GSE1: variants seen among roughly 807,000 people sequenced by gnomAD.
GSE1 encodes Gse1 coiled-coil protein.
Under a neutral mutation model 112.6 loss-of-function variants are expected in GSE1, and 32 were observed. The ratio of observed to expected loss-of-function variants is 0.28; its 90% CI spans 0.21 to 0.38. The LOEUF is 0.38. Ranked by LOEUF, GSE1 falls within the 10% of genes least tolerant of loss-of-function variation. The pLI is 1.00. For missense variants in GSE1, 2,348 were observed against 1,699.2 expected (o/e 1.38, Z -6.71); for synonymous variants, 1,115 against 735.6 (o/e 1.52, Z -8.35).
Position 85,529,707 on chromosome 16 carries a change from G to A in GSE1, c.2465-104207G>A, listed in dbSNP as rs185110477. Among the ~76,000 whole-genome samples the A allele has an allele frequency of 4.0e-3, 611 of 152,306 alleles. 4 individuals carry two copies. Among genetic ancestry groups the A allele is most frequent in the Non-Finnish European group, 6.6e-3 (450 of 68,026 alleles). On this transcript the variant is annotated intron_variant, in intron 2 of 2. Coordinates refer to the GSE1 transcript ENST00000637419. Reference sequence around the variant, plus strand: ...GCTGGAATATGGAGGCCTGTTTGGGGGTAGGCTAGGGGAGGGTAGGTGGAG... The same window carrying A: ...GCTGGAATATGGAGGCCTGTTTGGGAGTAGGCTAGGGGAGGGTAGGTGGAG...
upstream of GSE1, among the ~76,000 whole-genome samples, chr16:85,553,675 C>A (rs2045050953): frequency 6.6e-6 from 1 of 152,050 alleles, no homozygotes; most frequent in South Asian, 2.1e-4. Flanking sequence ...GAGCGCCACC[C>A]CTCCCTTGGC....
intron 2 of GSE1, among the ~76,000 whole-genome samples, chr16:85,495,304 G>C (rs2051135306): frequency 6.6e-6 from 1 of 152,118 alleles, no homozygotes; most frequent in Admixed American, 6.5e-5. Context: ...GGGAGCACTG[G>C]AGTGGGAGTC....
chr16:85,656,434 C>A lies in GSE1; in HGVS notation c.1081C>A (p.Arg361Ser), dbSNP rs367965391. 1.3e-6 allele frequency: 2 copies of A among 1,569,426 alleles called. No homozygotes were observed. The highest frequency in any genetic ancestry group is 1.7e-6 in the Non-Finnish European group (2 of 1,152,770). ...READREREKE[R>S]EREREKEREQ... is the part of the protein sequence containing the mutation. ...GGCTGACCGCGAGCGGGAGAAGGAA[C>A]GTGAGCGCGAACGCGAGAAGGAGCG... The change falls in exon 7 of 16, where the codon CGT becomes AGT. Residue 361 changes from arginine (R) to serine (S), a missense_variant. Arg to Ser is a moderately radical substitution (Grantham distance 110). Transcript: ENST00000253458.
chr16:85,308,996 G>A (rs1445789758), intron 1 of GSE1, among the ~76,000 whole-genome samples: 1 of 151,016 alleles, frequency 6.6e-6, no homozygotes, highest in Admixed American at 6.6e-5. Context: ...GACAGCCGTG[G>A]AGGCTCCAAA....
chr16:85,251,260 G>C (rs1412828968), intron 1 of GSE1, among the ~76,000 whole-genome samples: 1 of 152,166 alleles, frequency 6.6e-6, no homozygotes, highest in Non-Finnish European at 1.5e-5. Flanking sequence ...AGGCTGCTTT[G>C]TCCTCCCACG....
rs967132706 is a variant in GSE1 at position 85,443,588 on chromosome 16, A to G, written c.2464+85945A>G. On this transcript the variant is annotated intron_variant, in intron 2 of 2. Coordinates refer to the GSE1 transcript ENST00000637419. ...GTATTAATACAAAAAGTAAAAACTCAGAGAAGCATAGGTTCAGATGCTTCC... is the reference window on the plus strand; with the variant it reads ...GTATTAATACAAAAAGTAAAAACTCGGAGAAGCATAGGTTCAGATGCTTCC... Among the ~76,000 whole-genome samples the G allele has an allele frequency of 6.0e-5, 9 of 150,018 alleles. No homozygotes were observed. The East Asian group carries it at 1.3e-3, about 22-fold the overall frequency.
intron 2 of GSE1, among the ~76,000 whole-genome samples, chr16:85,437,709 C>T (rs2049283195): frequency 1.3e-5 from 2 of 152,196 alleles, no homozygotes; most frequent in African/African-American, 4.8e-5. Context: ...AAAAGTCAAT[C>T]TGCCTCCTAG....
At chr16:85,245,414 C>T (rs1319600968) in intron 1 of GSE1, among the ~76,000 whole-genome samples, 1 of 152,172 alleles carries the variant, frequency 6.6e-6, no homozygotes, top group African/African-American at 2.4e-5. Flanking sequence ...TGCGTTTCCA[C>T]CTGGTCCAGG....
At chr16:85,255,133 C>T (rs1278296502) in intron 1 of GSE1, among the ~76,000 whole-genome samples, 1 of 152,330 alleles carries the variant, frequency 6.6e-6, no homozygotes, top group Non-Finnish European at 1.5e-5. Flanking sequence ...CCCCGAGGGG[C>T]GGGCGTGAGA....
Position 85,338,593 on chromosome 16 carries a change from C to T in GSE1, c.2284-18870C>T, listed in dbSNP as rs1391708563. 3.3e-5 allele frequency among the ~76,000 whole-genome samples: 5 copies of T among 152,212 alleles called. No individual in the cohort carries two copies. The South Asian group carries it at 8.3e-4, about 25-fold the overall frequency. On this transcript the variant is annotated intron_variant, in intron 1 of 2. Coordinates refer to the GSE1 transcript ENST00000637419. ...TGTGGTGGCTAAATAATTTAAATAA[C>T]ATTAAATAATTAAGGGGTTACCATC... is the stretch of plus-strand genomic sequence containing the variant.
intron 1 of GSE1, among the ~76,000 whole-genome samples, chr16:85,292,203 A>G (rs370673846): frequency 6.6e-6 from 1 of 151,626 alleles, no homozygotes; most frequent in Non-Finnish European, 1.5e-5. Context: ...CAGTGGCGCA[A>G]TCTTGGCTCA....
chr16:85,578,475 C>T (rs1352124217), intron 1 of GSE1, among the ~76,000 whole-genome samples: 1 of 152,214 alleles, frequency 6.6e-6, no homozygotes, highest in Non-Finnish European at 1.5e-5. Context: ...CCCTCACATG[C>T]ATGGCCCTCC....
At chr16:85,452,454 C>G (rs565114475) in intron 2 of GSE1, among the ~76,000 whole-genome samples, 1 of 152,368 alleles carries the variant, frequency 6.6e-6, no homozygotes. Flanking sequence ...GCCATACTCA[C>G]GCAGACTTTT....
At chr16:85,487,972 C>A (rs1480067213) in intron 2 of GSE1, among the ~76,000 whole-genome samples, 1 of 152,230 alleles carries the variant, frequency 6.6e-6, no homozygotes, top group East Asian at 1.9e-4. Context: ...CTAGTCACTC[C>A]TCTGGGCTCT....
intron 3 of GSE1, among the ~76,000 whole-genome samples, chr16:85,653,679 G>A (rs752906434): frequency 3.9e-5 from 6 of 152,074 alleles, no homozygotes; most frequent in Non-Finnish European, 7.4e-5. Flanking sequence ...GCCTGTTCTG[G>A]TGGGCTCCAG....
At chr16:85,305,271 G>C (rs2045646249) in intron 1 of GSE1, among the ~76,000 whole-genome samples, 1 of 152,168 alleles carries the variant, frequency 6.6e-6, no homozygotes, top group African/African-American at 2.4e-5. Context: ...GATGGACCCT[G>C]GGCATCAGGA....
intron 2 of GSE1, among the ~76,000 whole-genome samples, chr16:85,473,730 C>A (rs1236211453): frequency 6.6e-6 from 1 of 152,184 alleles, no homozygotes; most frequent in African/African-American, 2.4e-5. Context: ...AAATAAGTCA[C>A]ACGCACAGGT....
chr16:85,625,410 C>A lies in GSE1; in HGVS notation c.8-8504C>A, dbSNP rs1010305171. 6.6e-5 allele frequency among the ~76,000 whole-genome samples: 10 copies of A among 152,338 alleles called. No individual in the cohort carries two copies. The East Asian group carries it at 9.7e-4, about 15-fold the overall frequency. On this transcript the variant is annotated intron_variant, in intron 1 of 15. Transcript: ENST00000253458. ...TGTCCGCGGGTCCCCAGAATGCAAC[C>A]TCAGCATCCAGCGCCTTCTGTGCAG...
intron 1 of GSE1, among the ~76,000 whole-genome samples, chr16:85,310,617 G>C (rs961965593): frequency 1.3e-5 from 2 of 151,600 alleles, no homozygotes; most frequent in Non-Finnish European, 2.9e-5. Context: ...CCTGCTCCCT[G>C]ACACCTGGGC....
Sources: allele counts gnomAD v4.1 joint callset (sites outside exome capture counted in the v4.1 genomes callset), GRCh38; gene constraint gnomAD v4.1.1; transcripts MANE v1.5; gene names NCBI Gene and HGNC (gene_info 2026-07-23, HGNC 2026-07-21).